Variants in FGF13 observed in about 807,000 individuals in gnomAD.
The protein encoded by FGF13 is fibroblast growth factor 13, also known as fibroblast growth factor homologous factor 2.
A neutral mutation model predicts 19.5 loss-of-function variants in FGF13; 2 were observed. That is an observed-to-expected ratio of 0.10 (90% CI 0.04 to 0.32). The LOEUF is 0.32. Ranked by LOEUF, FGF13 falls within the 10% of genes least tolerant of loss-of-function variation. The pLI is 1.00. For synonymous variants in FGF13, 72 were observed against 76.9 expected (o/e 0.94, Z 0.33); for missense variants, 113 against 192.7 (o/e 0.59, Z 2.45).
At chrX:138,969,967 G>A (rs777594463) in intron 1 of FGF13, among the ~76,000 whole-genome samples, 5 of 111,724 alleles carry the variant, frequency 4.5e-5, no homozygotes, top group Non-Finnish European at 9.4e-5. Flanking sequence ...TTGAGTGTGC[G>A]TGTCTGTGTG....
At chrX:138,756,466 T>G (rs1242026690) in intron 3 of FGF13, among the ~76,000 whole-genome samples, 1 of 112,498 alleles carries the variant, frequency 8.9e-6, no homozygotes, top group African/African-American at 3.2e-5. Context: ...GATGGCAGCA[T>G]TAGCTAATGA....
intron 1 of FGF13, among the ~76,000 whole-genome samples, chrX:138,729,537 C>T (rs2090212154): frequency 9.2e-6 from 1 of 108,967 alleles, no homozygotes; most frequent in Non-Finnish European, 1.9e-5. Context: ...CAATAGGAAA[C>T]CATCTGGCAC....
At chrX:138,729,313 G>A (rs918227975) in intron 1 of FGF13, among the ~76,000 whole-genome samples, 4 of 110,837 alleles carry the variant, frequency 3.6e-5, no homozygotes, top group Non-Finnish European at 7.6e-5. Flanking sequence ...ATTTACATAT[G>A]GCGATGGAAA....
chrX:139,150,343 T>TA (rs1270707740), intron 1 of FGF13, among the ~76,000 whole-genome samples: 1 of 112,224 alleles, frequency 8.9e-6, no homozygotes, highest in Non-Finnish European at 1.9e-5. Context: ...GTATTTGCTT[T>TA]AAAAAACCAA....
intron 1 of FGF13, among the ~76,000 whole-genome samples, chrX:139,071,014 G>A (rs1231924706): frequency 2.7e-5 from 3 of 109,654 alleles, no homozygotes; most frequent in African/African-American, 1.0e-4. Flanking sequence ...AGCATTAGGA[G>A]AACTACCCAA....
At chrX:138,875,567 A>G (rs773862359) in intron 1 of FGF13, among the ~76,000 whole-genome samples, 1 of 112,149 alleles carries the variant, frequency 8.9e-6, no homozygotes, top group East Asian at 2.8e-4. Flanking sequence ...AGTTGGTCAA[A>G]CATTATTCTA....
chrX:139,204,004 G>C (rs932077874), upstream of FGF13: 3 of 1,166,487 alleles, frequency 2.6e-6, no homozygotes, highest in African/African-American at 1.8e-5. Context: ...GCGCACGCGA[G>C]GGGGCGAGGG....
At chrX:138,665,651 T>C (rs2089535374) in intron 3 of FGF13, among the ~76,000 whole-genome samples, 1 of 111,466 alleles carries the variant, frequency 9.0e-6, no homozygotes, top group South Asian at 3.8e-4. Context: ...ATGTAGATTT[T>C]TTGCAGTAGA....
chrX:139,170,045 C>A lies in FGF13; in HGVS notation c.-113+33371G>T, dbSNP rs759243079. Among the ~76,000 whole-genome samples the A allele has an allele frequency of 8.9e-5, 10 of 111,804 alleles. No homozygotes were observed. The South Asian group carries it at 2.6e-3, about 29-fold the overall frequency. Reference sequence around the variant, plus strand: ...GCTTGGATCCAAGCCCAATTCCCACCTGAACTCCATGCAGCTTGGCCCTTA... The same window carrying A: ...GCTTGGATCCAAGCCCAATTCCCACATGAACTCCATGCAGCTTGGCCCTTA... On this transcript the variant is annotated intron_variant, in intron 1 of 2. Coordinates refer to the FGF13 transcript ENST00000421460.
intron 3 of FGF13, among the ~76,000 whole-genome samples, chrX:138,658,213 T>A (rs976794826): frequency 8.9e-6 from 1 of 112,014 alleles, no homozygotes; most frequent in Non-Finnish European, 1.9e-5. Context: ...TTTTCCCAAG[T>A]AATTTTCAGA....
chrX:139,125,531 C>G (rs1474028841), intron 1 of FGF13, among the ~76,000 whole-genome samples: 5 of 111,860 alleles, frequency 4.5e-5, no homozygotes, highest in African/African-American at 1.6e-4. Context: ...AGTTGTATGT[C>G]TTAGTTTTTA....
intron 1 of FGF13, among the ~76,000 whole-genome samples, chrX:138,866,929 T>C (rs2091327767): frequency 8.9e-6 from 1 of 111,759 alleles, no homozygotes; most frequent in African/African-American, 3.3e-5. Context: ...GTTAAATATA[T>C]ACACATGGAA....
upstream of FGF13, among the ~76,000 whole-genome samples, chrX:138,744,253 A>G (rs894627212): frequency 1.8e-5 from 2 of 111,237 alleles, no homozygotes; most frequent in Non-Finnish European, 3.8e-5. Context: ...TCAGCTTCAA[A>G]TAACAACCCA....
chrX:138,974,257 C>A (rs984894788), intron 1 of FGF13, among the ~76,000 whole-genome samples: 3 of 111,579 alleles, frequency 2.7e-5, no homozygotes, highest in Non-Finnish European at 5.6e-5. Context: ...AGGAACAGAG[C>A]AAATTTGGGG....
At chrX:138,652,133 T>A (rs2089382233) in intron 3 of FGF13, among the ~76,000 whole-genome samples, 1 of 111,289 alleles carries the variant, frequency 9.0e-6, no homozygotes, top group African/African-American at 3.3e-5. Context: ...GCTTCCAAGC[T>A]TGTCCCTTTA....
At chrX:139,103,531 C>T (rs2083532496) in intron 1 of FGF13, among the ~76,000 whole-genome samples, 1 of 111,678 alleles carries the variant, frequency 9.0e-6, no homozygotes, top group African/African-American at 3.3e-5. Context: ...AGGGAAGTCA[C>T]AGTGAACAGG....
intron 1 of FGF13, among the ~76,000 whole-genome samples, chrX:138,930,767 C>T (rs193147710): frequency 1.8e-5 from 2 of 111,782 alleles, no homozygotes; most frequent in African/African-American, 6.5e-5. Flanking sequence ...ACAGGGGACA[C>T]ACACAGTTCA....
At chrX:138,655,666 C>A (rs2089429090) in intron 3 of FGF13, among the ~76,000 whole-genome samples, 1 of 110,985 alleles carries the variant, frequency 9.0e-6, no homozygotes, top group African/African-American at 3.3e-5. Context: ...AGCTGCTACT[C>A]TAAGCAGATT....
chrX:138,670,430 A>C (rs1198146305), intron 3 of FGF13, among the ~76,000 whole-genome samples: 2 of 112,214 alleles, frequency 1.8e-5, no homozygotes, highest in Non-Finnish European at 3.8e-5. Context: ...ACAAAGAAAA[A>C]AATGCATCAG....
Sources: gnomAD v4.1 joint callset for allele counts (sites outside exome capture counted in the v4.1 genomes callset) on GRCh38, gnomAD v4.1.1 for gene constraint, MANE v1.5 for transcripts, NCBI Gene and HGNC (gene_info 2026-07-23, HGNC 2026-07-21) for gene names.